The following TPTE variants were observed in gnomAD, a reference collection of about 807,000 sequenced individuals.
The protein encoded by TPTE is transmembrane phosphatase with tensin homology.
A neutral mutation model predicts 84.1 loss-of-function variants in TPTE; 59 were observed. That is an observed-to-expected ratio of 0.70 (90% CI 0.57 to 0.87). TPTE has a LOEUF of 0.87. TPTE is among the 40% of genes least tolerant of loss of function. The pLI is 0.00. For synonymous variants in TPTE, 130 were observed against 223.5 expected (o/e 0.58, Z 3.73); for missense variants, 382 against 659.6 (o/e 0.58, Z 4.61).
chr21:10,528,631 T>A (rs1031324074), intron 3 of TPTE, among the ~76,000 whole-genome samples: 1 of 152,312 alleles, frequency 6.6e-6, no homozygotes, highest in East Asian at 1.9e-4. Context: ...ATTGGTACTT[T>A]TATAACTGAT....
At chr21:10,552,229 CTT>C (rs1488977714) in intron 7 of TPTE, among the ~76,000 whole-genome samples, 1 of 152,308 alleles carries the variant, frequency 6.6e-6, no homozygotes, top group Non-Finnish European at 1.5e-5. Context: ...GTAAACATAA[CTT>C]TTATATGCAC....
chr21:10,605,646 G>T lies in TPTE; in HGVS notation c.*94G>T. 1 of 1,579,258 alleles carries T rather than the reference G, an allele frequency of 6.3e-7. No homozygotes were observed. The highest frequency in any genetic ancestry group is 8.6e-7 in the Non-Finnish European group (1 of 1,166,348). ...CCTAAATCTATCCTAAATGTTCCTT[G>T]AAGTATTTATTTATGTTTATATATG... On this transcript the variant is annotated 3_prime_UTR_variant, in exon 24 of 24. Coordinates refer to ENST00000618007, the MANE Select transcript of TPTE (RefSeq NM_199261.4).
chr21:10,567,633 G>T (rs747546752), intron 10 of TPTE, 37 bp from the exon 11 acceptor site: 45 of 1,606,266 alleles, frequency 2.8e-5, no homozygotes, highest in Non-Finnish European at 3.6e-5. Flanking sequence ...CTTCTTGCAG[G>T]GGGGAATGAA....
chr21:10,540,169 C>T (rs1289373638), intron 4 of TPTE, among the ~76,000 whole-genome samples: 1 of 152,310 alleles, frequency 6.6e-6, no homozygotes, highest in Non-Finnish European at 1.5e-5. Flanking sequence ...TTGAGAGTAC[C>T]TTCTAGTAGG....
intron 4 of TPTE, among the ~76,000 whole-genome samples, chr21:10,540,054 CA>C: frequency 6.6e-6 from 1 of 152,298 alleles, no homozygotes; most frequent in Non-Finnish European, 1.5e-5. Flanking sequence ...AAAACCAAAA[CA>C]AAAGCAATTG....
intron 10 of TPTE, among the ~76,000 whole-genome samples, chr21:10,562,681 TA>T (rs1261907677): frequency 1.3e-5 from 2 of 152,424 alleles, no homozygotes; most frequent in East Asian, 3.9e-4. Context: ...AAGAAAGAAT[TA>T]ATGAGCTTGA....
chr21:10,572,004 C>CAAAA (rs59120761), intron 14 of TPTE, among the ~76,000 whole-genome samples: 1 of 145,652 alleles, frequency 6.9e-6, no homozygotes, highest in Admixed American at 6.8e-5. Flanking sequence ...TACCCTGTCT[C>CAAAA]AAAAAAAAAA....
chr21:10,528,424 C>T (rs1468050161), intron 3 of TPTE, among the ~76,000 whole-genome samples: 9 of 152,292 alleles, frequency 5.9e-5, no homozygotes, highest in African/African-American at 2.2e-4. Flanking sequence ...AAAATTCTTT[C>T]TAAAAAGTTG....
At chr21:10,562,684 T>G (rs1275117910) in intron 10 of TPTE, among the ~76,000 whole-genome samples, 79 of 152,392 alleles carry the variant, frequency 5.2e-4, no homozygotes. Context: ...AAAGAATTAA[T>G]GAGCTTGAAG....
intron 14 of TPTE, among the ~76,000 whole-genome samples, chr21:10,573,007 T>C (rs1314599416): frequency 2.0e-5 from 3 of 151,706 alleles, no homozygotes; most frequent in Non-Finnish European, 2.9e-5. Flanking sequence ...TTGAATGTAA[T>C]GTAAACAGAT....
chr21:10,602,804 T>C (rs1385506653), intron 22 of TPTE: 1 of 518,094 alleles, frequency 1.9e-6, no homozygotes, highest in Admixed American at 1.9e-5. Context: ...AGACCTGTGC[T>C]CGACTGATGG....
chr21:10,583,950 A>G (rs1256127543), intron 17 of TPTE, among the ~76,000 whole-genome samples: 1 of 152,308 alleles, frequency 6.6e-6, no homozygotes, highest in African/African-American at 2.4e-5. Context: ...TTTTCTTCAC[A>G]ATTGTTTGGG....
intron 18 of TPTE, among the ~76,000 whole-genome samples, chr21:10,591,016 C>G (rs542323644): frequency 6.6e-6 from 1 of 152,310 alleles, no homozygotes; most frequent in Non-Finnish European, 1.5e-5. Context: ...CTTCCTTCCT[C>G]GTGAGAATAG....
At chr21:10,536,724 T>C (rs1184820864) in intron 3 of TPTE, among the ~76,000 whole-genome samples, 1 of 152,308 alleles carries the variant, frequency 6.6e-6, no homozygotes, top group African/African-American at 2.4e-5. Flanking sequence ...GCAGGCCCCT[T>C]ATCCAACTTT....
intron 17 of TPTE, among the ~76,000 whole-genome samples, chr21:10,579,303 C>T (rs1272596879): frequency 6.6e-6 from 1 of 152,310 alleles, no homozygotes; most frequent in African/African-American, 2.4e-5. Flanking sequence ...AGGTGGATCA[C>T]ATGGTGAAGC....
intron 17 of TPTE, among the ~76,000 whole-genome samples, chr21:10,579,151 T>A (rs1396659139): frequency 6.6e-6 from 1 of 152,428 alleles, no homozygotes; most frequent in East Asian, 1.9e-4. Flanking sequence ...TACATTATTA[T>A]TAACTGTGGT....
chr21:10,601,506 A>G (rs1600991620), intron 21 of TPTE, among the ~76,000 whole-genome samples: 1 of 152,298 alleles, frequency 6.6e-6, no homozygotes, highest in East Asian at 1.9e-4. Flanking sequence ...CAAACAAAAA[A>G]AAAAGAAAAG....
At chr21:10,528,238 A>C (rs1308624834) in intron 3 of TPTE, among the ~76,000 whole-genome samples, 286 of 152,230 alleles carry the variant, frequency 1.9e-3, no homozygotes, top group African/African-American at 6.7e-3. Context: ...GTTGTTTCTT[A>C]CTATTTACCT....
At chr21:10,591,528 A>T (rs796563845) in intron 18 of TPTE, among the ~76,000 whole-genome samples, 1 of 152,282 alleles carries the variant, frequency 6.6e-6, no homozygotes, top group Admixed American at 6.5e-5. Flanking sequence ...AAAATATCCA[A>T]AGGTTTAAAT....
Sources: gnomAD v4.1 joint callset for allele counts (sites outside exome capture counted in the v4.1 genomes callset) on GRCh38, gnomAD v4.1.1 for gene constraint, MANE v1.5 for transcripts, NCBI Gene and HGNC (gene_info 2026-07-23, HGNC 2026-07-21) for gene names.